PES1: variants seen among roughly 807,000 people sequenced by gnomAD.
PES1 encodes pescadillo ribosomal biogenesis factor 1.
Under a neutral mutation model 77.1 loss-of-function variants are expected in PES1, and 31 were observed. That is an observed-to-expected ratio of 0.40 (90% confidence interval 0.30 to 0.54). The LOEUF (loss-of-function observed/expected upper bound fraction) is 0.54. Among genes scored for constraint, PES1 ranks in the 20% least tolerant of loss-of-function variants. The pLI, the probability that PES1 is intolerant of heterozygous loss-of-function variation, is 0.45. For synonymous variants in PES1, 282 were observed against 303.0 expected, an observed-to-expected ratio of 0.93 and a Z score of 0.72; for missense variants, 658 against 771.7, an observed-to-expected ratio of 0.85 and a Z score of 1.75.
In PES1 at chr22:30,588,098, C is replaced by T; in HGVS notation, c.181G>A (p.Ala61Thr). 2 of 1,614,190 alleles carry T rather than the reference C, an allele frequency of 1.2e-6. No homozygotes were observed. The highest frequency in any genetic ancestry group is 4.5e-5 in the East Asian group (2 of 44,888). Residue 61 changes from alanine to threonine, a missense_variant, in exon 3 of 15, where the codon GCC (alanine) becomes ACC (threonine). Physicochemically the swap from Ala to Thr is moderately conservative, Grantham distance 58. Coordinates refer to ENST00000354694, the MANE Select transcript of PES1 (RefSeq NM_014303.4). ...TCTTTGATAAGGTAAAACGTTCGGG[C>T]TGCTGTAGAACCCTTGTTAACCTTC... Reference protein sequence around the residue: ...KKKVNKGSTAARTFYLIKDIR... With the variant: ...KKKVNKGSTATRTFYLIKDIR...
intron 4 of PES1, chr22:30,585,343 G>A (rs113285373): frequency 1.3e-5 from 6 of 471,376 alleles, no homozygotes; most frequent in Non-Finnish European, 4.4e-6. Context: ...CAACAAGGAT[G>A]AGCCACCCTG....
intron 2 of PES1, among the ~76,000 whole-genome samples, chr22:30,604,710 C>G (rs528082698): frequency 6.6e-6 from 1 of 152,060 alleles, no homozygotes; most frequent in African/African-American, 2.4e-5. Flanking sequence ...TTAGAGGTCC[C>G]TGTTATCCCA....
chr22:30,603,006 G>A (rs2087381328), intron 2 of PES1, among the ~76,000 whole-genome samples: 1 of 152,044 alleles, frequency 6.6e-6, no homozygotes, highest in Admixed American at 6.6e-5. Context: ...TACCTCCTGG[G>A]TTCAAGCAAT....
At chr22:30,604,957 TAGCACTACCCCTGACC>T (rs2087414946) in intron 2 of PES1, among the ~76,000 whole-genome samples, 1 of 152,168 alleles carries the variant, frequency 6.6e-6, no homozygotes, top group South Asian at 2.1e-4. Context: ...TGACCTGAAA[TAGCACTACCCCTGACC>T]AGTCACTCTA....
intron 2 of PES1, among the ~76,000 whole-genome samples, chr22:30,602,595 G>A (rs892164164): frequency 3.3e-5 from 5 of 151,408 alleles, no homozygotes; most frequent in Admixed American, 3.3e-4. Flanking sequence ...TGTTGCCCAG[G>A]CTTGTCTCAA....
At chr22:30,585,400 A>G (rs1336364176) in intron 4 of PES1, 1 of 466,200 alleles carries the variant, frequency 2.1e-6, no homozygotes, top group African/African-American at 2.0e-5. Context: ...TGGGTCACAG[A>G]GAAGACACGG....
upstream of PES1, chr22:30,592,499 T>A: frequency 1.3e-6 from 1 of 791,864 alleles, no homozygotes; most frequent in Non-Finnish European, 1.5e-6. Flanking sequence ...GTGGTATATT[T>A]AAAATGTACA....
chr22:30,596,984 G>A (rs1387007295), intron 2 of PES1, among the ~76,000 whole-genome samples: 2 of 152,222 alleles, frequency 1.3e-5, no homozygotes, highest in Non-Finnish European at 2.9e-5. Flanking sequence ...GCTGGCCACG[G>A]GCAGTGAGGG....
chr22:30,588,851 C>T (rs2087133711), intron 2 of PES1, among the ~76,000 whole-genome samples: 1 of 151,970 alleles, frequency 6.6e-6, no homozygotes, highest in Non-Finnish European at 1.5e-5. Flanking sequence ...GGGCAGGGCC[C>T]ACAGGCCACA....
chr22:30,587,850 A>C lies in PES1; in HGVS notation c.258+171T>G, dbSNP rs564549268. On this transcript the variant is annotated intron_variant, in intron 3 of 14. Coordinates refer to ENST00000354694, the MANE Select transcript of PES1 (RefSeq NM_014303.4). The stretch of plus-strand genomic sequence containing the variant: ...TGCAACGGAGTCCTGTTTTGGGGCC[A>C]GGTCCTCCAAACTAACCGACCTCTT... Among the ~76,000 whole-genome samples the C allele has an allele frequency of 9.8e-5, 15 of 152,286 alleles. No individual in the cohort carries two copies. In the South Asian group the frequency reaches 2.7e-3, roughly 27 times the overall value.
In PES1 at chr22:30,576,849, G is replaced by C; in HGVS notation, c.*197C>G. ...GGCACAGAGGCCTCTTCTCTGACCA[G>C]GCACCAGCAGGGCAGCTCCATCCAA... On this transcript the variant is annotated 3_prime_UTR_variant, in exon 15 of 15. Coordinates refer to ENST00000354694, the MANE Select transcript of PES1 (RefSeq NM_014303.4). 1 of 596,054 alleles carries C rather than the reference G, an allele frequency of 1.7e-6. No individual in the cohort carries two copies. Among genetic ancestry groups the C allele is most frequent in the Admixed American group, 3.0e-5 (1 of 33,684 alleles). The allele number at this position is 596,054 out of a possible 1,614,324, so 36.9% of individuals were successfully genotyped here. A position where few individuals can be genotyped will look rare whatever the true frequency, so the allele number is the denominator to read the frequency against.
chr22:30,577,206 T>C, intron 14 of PES1, 77 bp from the exon 15 acceptor site: 2 of 1,221,592 alleles, frequency 1.6e-6, no homozygotes, highest in Non-Finnish European at 2.4e-6. Flanking sequence ...CAAAGCTATA[T>C]CCCTTAAAAG....
At chr22:30,588,347 ACTTG>A (rs1280913518) in intron 2 of PES1, among the ~76,000 whole-genome samples, 173 bp from the exon 3 acceptor site, 1 of 152,152 alleles carries the variant, frequency 6.6e-6, no homozygotes, top group Non-Finnish European at 1.5e-5. Flanking sequence ...AAAAACGCAG[ACTTG>A]CGAGTCTCTA....
chr22:30,579,820 C>T lies in PES1; in HGVS notation c.1285G>A (p.Glu429Lys). 6.2e-7 allele frequency: 1 copy of T among 1,614,070 alleles called. No individual in the cohort carries two copies. The highest frequency in any genetic ancestry group is 8.5e-7 in the Non-Finnish European group (1 of 1,180,030). The change falls in exon 12 of 15, where the codon GAG (glutamate) becomes AAG (lysine). Residue 429 changes from glutamate to lysine, a missense_variant. Physicochemically the swap from Glu to Lys is moderately conservative, Grantham distance 56 (BLOSUM62 1). Transcript: ENST00000354694. ...LPPHLSPFVTEKEGDYVPPEK... is the reference protein window; with the variant it reads ...LPPHLSPFVTKKEGDYVPPEK... ...GGTGGAACGTAATCTCCTTCCTTCT[C>T]GGTCACAAAGGGTGAAAGGTGTGGG...
At chr22:30,583,455 C>T (rs1260373865) in intron 6 of PES1, among the ~76,000 whole-genome samples, 1 of 152,214 alleles carries the variant, frequency 6.6e-6, no homozygotes, top group East Asian at 1.9e-4. Context: ...GGCTGCTCTC[C>T]GCTGAAGGCA....
chr22:30,594,780 A>T (rs1048550747), upstream of PES1, among the ~76,000 whole-genome samples: 1 of 152,074 alleles, frequency 6.6e-6, no homozygotes, highest in Non-Finnish European at 1.5e-5. Flanking sequence ...AGCAGCCTGG[A>T]CAACATAGTG....
rs529713663 is a variant in PES1 at position 30,589,263 on chromosome 22, C to T, written c.32G>A (p.Arg11Gln). 6.2e-6 allele frequency: 10 copies of T among 1,613,408 alleles called. No homozygotes were observed. In the South Asian group the frequency reaches 6.6e-5, roughly 11 times the overall value. MGGLEKKKYE[R>Q]GSATNYITRN... Reference sequence around the variant, plus strand: ...GGTGATGTAGTTGGTGGCCGAGCCTCGTTCATACTGGGAGAGGAAAAAAAC... The same window carrying T: ...GGTGATGTAGTTGGTGGCCGAGCCTTGTTCATACTGGGAGAGGAAAAAAAC... Residue 11 changes from arginine (R) to glutamine (Q), a missense_variant, in exon 2 of 15, where the codon CGA becomes CAA. Transcript: ENST00000354694.
chr22:30,582,325 T>C (rs1211477516), intron 6 of PES1, among the ~76,000 whole-genome samples: 1 of 152,194 alleles, frequency 6.6e-6, no homozygotes, highest in Non-Finnish European at 1.5e-5. Context: ...TCCAGAGGCA[T>C]GACCCGAGGG....
chr22:30,594,334 A>G (rs1400908441), upstream of PES1, among the ~76,000 whole-genome samples: 1 of 152,150 alleles, frequency 6.6e-6, no homozygotes, highest in Non-Finnish European at 1.5e-5. Context: ...AGCCTGGCAA[A>G]TATGGTGAAA....
Sources: allele counts gnomAD v4.1 joint callset (sites outside exome capture counted in the v4.1 genomes callset), GRCh38; gene constraint gnomAD v4.1.1; transcripts MANE v1.5; gene names NCBI Gene and HGNC (gene_info 2026-07-23, HGNC 2026-07-21).